PTPRD: variants seen among roughly 807,000 people sequenced by gnomAD.
PTPRD encodes receptor-type tyrosine-protein phosphatase delta.
In PTPRD, 34 loss-of-function variants were observed where a neutral mutation model predicts 214.5. The observed-to-expected ratio is 0.16, with a 90% confidence interval of 0.12 to 0.21. The LOEUF is 0.21. Among genes scored for constraint, PTPRD ranks in the 10% least tolerant of loss-of-function variants. The pLI, the probability that PTPRD is intolerant of heterozygous loss-of-function variation, is 1.00. For missense variants in PTPRD, 2,545 were observed against 2,398.7 expected, an observed-to-expected ratio of 1.06 and a Z score of -1.27; for synonymous variants, 1,128 against 845.7, an observed-to-expected ratio of 1.33 and a Z score of -5.79.
chr9:8,934,535 G>A (rs1198749187), intron 11 of PTPRD, among the ~76,000 whole-genome samples: 4 of 85,764 alleles, frequency 4.7e-5, no homozygotes, highest in African/African-American at 5.1e-5. Flanking sequence ...ATATATATAT[G>A]GGAAACCATA....
chr9:9,593,066 AAGAAAAAAAGAAAGAGAGAG>A (rs1294576628), intron 7 of PTPRD, among the ~76,000 whole-genome samples: 1 of 151,380 alleles, frequency 6.6e-6, no homozygotes, highest in Non-Finnish European at 1.5e-5. Flanking sequence ...GAAAGAGAGA[AAGAAAAAAAGAAAGAGAGAG>A]AGGAAGAAAG....
intron 7 of PTPRD, among the ~76,000 whole-genome samples, chr9:9,696,085 C>A (rs1200062580): frequency 6.6e-6 from 1 of 151,946 alleles, no homozygotes; most frequent in Non-Finnish European, 1.5e-5. Flanking sequence ...TATTGGTTTG[C>A]TCCAGTTTTC....
chr9:8,787,298 C>T (rs1017991860), intron 11 of PTPRD, among the ~76,000 whole-genome samples: 4 of 152,184 alleles, frequency 2.6e-5, no homozygotes, highest in African/African-American at 9.7e-5. Flanking sequence ...TCTAGTTACT[C>T]TACTTGAGCA....
At chr9:8,798,201 C>T (rs1011819580) in intron 11 of PTPRD, among the ~76,000 whole-genome samples, 1 of 152,166 alleles carries the variant, frequency 6.6e-6, no homozygotes, top group East Asian at 1.9e-4. Context: ...TCTCTTTTCC[C>T]AATCAAGTCT....
intron 3 of PTPRD, among the ~76,000 whole-genome samples, chr9:10,108,665 C>G (rs1018974070): frequency 6.6e-6 from 1 of 152,028 alleles, no homozygotes; most frequent in Non-Finnish European, 1.5e-5. Context: ...TTTCTGCACT[C>G]TCATATTTAC....
chr9:9,937,905 A>T (rs1312253928), intron 5 of PTPRD, among the ~76,000 whole-genome samples: 2 of 152,196 alleles, frequency 1.3e-5, no homozygotes, highest in Non-Finnish European at 2.9e-5. Flanking sequence ...GATGTGATTA[A>T]TATATTCTGG....
chr9:9,138,302 G>A (rs980407501), intron 10 of PTPRD, among the ~76,000 whole-genome samples: 1 of 152,048 alleles, frequency 6.6e-6, no homozygotes, highest in African/African-American at 2.4e-5. Context: ...TGTGGTGAGA[G>A]TTAAGTATAA....
rs575096056 is a variant in PTPRD, at chr9:9,340,249, G to C, written c.-203+57200C>G. Among the ~76,000 whole-genome samples, 3 of 152,232 alleles carry C rather than the reference G, an allele frequency of 2.0e-5. No homozygotes were observed. The South Asian group carries it at 6.2e-4, about 32-fold the overall frequency. On this transcript the variant is annotated intron_variant, in intron 9 of 45. Coordinates refer to ENST00000381196, the MANE Select transcript of PTPRD (RefSeq NM_002839.4). ...GCCTCCCGTTTAAGACAGAAAAACA[G>C]ATGTTGCATCAGAAAGTCCATGATA... is the stretch of plus-strand genomic sequence containing the variant.
At chr9:9,739,223 A>T (rs112360872) in intron 6 of PTPRD, among the ~76,000 whole-genome samples, 89 of 152,336 alleles carry the variant, frequency 5.8e-4, no homozygotes, top group African/African-American at 2.0e-3. Context: ...ACAACACTGA[A>T]TACAAGTGGT....
Position 10,067,851 on chromosome 9 carries a change from C to G in PTPRD, c.-544-34061G>C, listed in dbSNP as rs114195267. On this transcript the variant is annotated intron_variant, in intron 3 of 45. Transcript: ENST00000381196. ...ATAACTATCTCTCTGGATGAAAAAG[C>G]CTAGATTGTAGCACTTGCCAATTTT... Among the ~76,000 whole-genome samples the G allele has an allele frequency of 5.7e-3, 870 of 151,878 alleles. 8 individuals are homozygous for G. The highest frequency in any genetic ancestry group is 0.02 in the African/African-American group (815 of 41,498).
At chr9:8,720,958 A>G (rs936912861) in intron 12 of PTPRD, among the ~76,000 whole-genome samples, 2 of 151,490 alleles carry the variant, frequency 1.3e-5, no homozygotes, top group Admixed American at 1.3e-4. Context: ...TGGACAGGGA[A>G]TCATGAGTGT....
intron 7 of PTPRD, among the ~76,000 whole-genome samples, chr9:9,680,249 A>G (rs2097037661): frequency 6.6e-6 from 1 of 151,986 alleles, no homozygotes. Flanking sequence ...CTACAAGAAG[A>G]TAAGTACATT....
At chr9:10,005,171 G>A (rs1588686936) in intron 4 of PTPRD, among the ~76,000 whole-genome samples, 1 of 151,846 alleles carries the variant, frequency 6.6e-6, no homozygotes, top group Non-Finnish European at 1.5e-5. Flanking sequence ...TATAATAACT[G>A]TTACTGTCCT....
At chr9:9,298,419 T>G (rs1463136148) in intron 9 of PTPRD, among the ~76,000 whole-genome samples, 1 of 151,754 alleles carries the variant, frequency 6.6e-6, no homozygotes, top group Non-Finnish European at 1.5e-5. Context: ...TAATTTCTCC[T>G]GTGAATTTTA....
intron 3 of PTPRD, among the ~76,000 whole-genome samples, chr9:10,242,859 G>A (rs2091370763): frequency 7.0e-6 from 1 of 142,662 alleles, no homozygotes; most frequent in Non-Finnish European, 1.5e-5. Flanking sequence ...GAAATTTGAT[G>A]TAACGTATCA....
At chr9:10,567,047 C>T (rs1425613242) in intron 2 of PTPRD, among the ~76,000 whole-genome samples, 1 of 152,076 alleles carries the variant, frequency 6.6e-6, no homozygotes, top group Non-Finnish European at 1.5e-5. Context: ...GTACGTGACT[C>T]TCCACCCATG....
At chr9:9,855,762 G>T (rs977133261) in intron 5 of PTPRD, among the ~76,000 whole-genome samples, 3 of 152,168 alleles carry the variant, frequency 2.0e-5, no homozygotes, top group Non-Finnish European at 4.4e-5. Flanking sequence ...AGCAAACTTT[G>T]TGCGGGCCCC....
At chr9:9,393,434 A>T (rs1320301794) in intron 9 of PTPRD, among the ~76,000 whole-genome samples, 1 of 152,144 alleles carries the variant, frequency 6.6e-6, no homozygotes, top group African/African-American at 2.4e-5. Context: ...CAGCCATTGG[A>T]AGGTGACTCA....
chr9:10,600,703 T>C (rs762198829), intron 2 of PTPRD, among the ~76,000 whole-genome samples: 32 of 151,786 alleles, frequency 2.1e-4, no homozygotes, highest in Non-Finnish European at 4.1e-4. Flanking sequence ...CAATTTGTTG[T>C]GCAGAATAAT....
Sources: gnomAD v4.1 joint callset for allele counts (sites outside exome capture counted in the v4.1 genomes callset) on GRCh38, gnomAD v4.1.1 for gene constraint, MANE v1.5 for transcripts, NCBI Gene and HGNC (gene_info 2026-07-23, HGNC 2026-07-21) for gene names.